The following CEP43 variants were observed in gnomAD, a reference collection of about 807,000 sequenced individuals.
CEP43 encodes the protein centrosomal protein 43, also known as FGFR1 oncogene partner.
In CEP43, 36 loss-of-function variants were observed where a neutral mutation model predicts 52.6. That is an observed-to-expected ratio of 0.68 (90% CI 0.52 to 0.90). The LOEUF is 0.90. Among genes scored for constraint, CEP43 ranks in the 40% least tolerant of loss-of-function variants. CEP43 has a pLI of 0.00. For missense variants in CEP43, 506 were observed against 472.8 expected (o/e 1.07, Z -0.65); for synonymous variants, 192 against 172.4 (o/e 1.11, Z -0.89).
At chr6:167,030,096 T>A (rs1295922458) in intron 10 of CEP43, among the ~76,000 whole-genome samples, 3 of 152,384 alleles carry the variant, frequency 2.0e-5, no homozygotes, top group African/African-American at 7.2e-5. Flanking sequence ...CATCTGGATG[T>A]ACACGTGCAG....
intron 3 of CEP43, 160 bp from the exon 4 acceptor site, chr6:167,003,563 G>T (rs1290926581): frequency 1.8e-6 from 1 of 564,528 alleles, no homozygotes; most frequent in Non-Finnish European, 3.1e-6. Context: ...AGGAGATTGA[G>T]ATTTTCATTA....
In CEP43 at chr6:167,042,904, G is replaced by A. The variant is rs1354437087; in HGVS notation, c.*2926G>A. 6.6e-6 allele frequency: 1 copy of A among 151,380 alleles called. No individual in the cohort carries two copies. Among genetic ancestry groups the A allele is most frequent in the Non-Finnish European group, 1.5e-5 (1 of 68,194 alleles). 9.4% of individuals were successfully genotyped at this position (151,380 alleles called of 1,614,324 possible). A position where few individuals can be genotyped will look rare whatever the true frequency, so the allele number is the denominator to read the frequency against. On this transcript the variant is annotated 3_prime_UTR_variant, in exon 13 of 13. Coordinates refer to ENST00000366847, the MANE Select transcript of CEP43 (RefSeq NM_007045.4). ...CTGCTGTGTACCTGGCACAACATTT[G>A]TCCCCTAGTATGAGCTTGGCATCTT...
intron 2 of CEP43, among the ~76,000 whole-genome samples, chr6:167,002,206 C>A (rs1052281095): frequency 6.6e-6 from 1 of 152,238 alleles, no homozygotes; most frequent in East Asian, 1.9e-4. Flanking sequence ...CCCTCTCCCC[C>A]ACCCCAAACC....
At chr6:167,039,224 G>A (rs776736463) in intron 12 of CEP43, among the ~76,000 whole-genome samples, 10 of 152,064 alleles carry the variant, frequency 6.6e-5, no homozygotes, top group Non-Finnish European at 1.3e-4. Context: ...CTGCCTCCTG[G>A]GTTCAAGCGA....
rs919189379 is a variant in CEP43 at position 167,044,155 on chromosome 6, C to A, written c.*4177C>A. 1 of 152,570 alleles carries A rather than the reference C, an allele frequency of 6.6e-6. No individual in the cohort carries two copies. Among genetic ancestry groups the A allele is most frequent in the Non-Finnish European group, 1.5e-5 (1 of 68,462 alleles). The allele number at this position is 152,570 out of a possible 1,614,324, so 9.5% of individuals were successfully genotyped here. ...CATCTGAGCTGTGAGCCCTACACTTCCATTCTTTATAAATTATCCAGTCCA... is the reference window on the plus strand; with the variant it reads ...CATCTGAGCTGTGAGCCCTACACTTACATTCTTTATAAATTATCCAGTCCA... On this transcript the variant is annotated 3_prime_UTR_variant, in exon 13 of 13. Coordinates refer to ENST00000366847, the MANE Select transcript of CEP43 (RefSeq NM_007045.4).
In CEP43 at chr6:167,052,308, G is replaced by A. The variant is rs963164734; in HGVS notation, c.*12330G>A. On this transcript the variant is annotated 3_prime_UTR_variant, in exon 13 of 13. Coordinates refer to ENST00000366847, the MANE Select transcript of CEP43 (RefSeq NM_007045.4). ...ATTCTACTTATTTATATAATTTTAT[G>A]TTTTTTAAAGAACCTGAGACTGGAA... 6 of 152,082 alleles carry A rather than the reference G, an allele frequency of 3.9e-5. No individual in the cohort carries two copies. Among genetic ancestry groups the A allele is most frequent in the African/African-American group, 1.2e-4 (5 of 41,400 alleles). 9.4% of individuals were successfully genotyped at this position (152,082 alleles called of 1,614,324 possible).
chr6:167,033,753 T>C (rs1754821860), intron 11 of CEP43, 122 bp from the exon 12 acceptor site: 1 of 466,816 alleles, frequency 2.1e-6, no homozygotes, highest in Admixed American at 3.9e-5. Context: ...ATGAAATTAA[T>C]TATAGTTAAT....
At chr6:167,001,009 A>C (rs867958690) in intron 2 of CEP43, among the ~76,000 whole-genome samples, 8 of 152,350 alleles carry the variant, frequency 5.3e-5, no homozygotes, top group Middle Eastern at 3.4e-3. Flanking sequence ...CAGGCCCAGC[A>C]GCTCTCTTCT....
rs1272950950 is a variant in CEP43 at position 167,040,065 on chromosome 6, A to G, written c.*87A>G. ...TTTTCCAGACAATCACTCAGCTGGA[A>G]TGTCTGCTCTCTATTGGTGCCTTGC... On this transcript the variant is annotated 3_prime_UTR_variant, in exon 13 of 13. Coordinates refer to ENST00000366847, the MANE Select transcript of CEP43 (RefSeq NM_007045.4). The G allele has an allele frequency of 2.9e-5, 46 of 1,612,150 alleles. No homozygotes were observed. Among genetic ancestry groups the G allele is most frequent in the Non-Finnish European group, 3.6e-5 (43 of 1,178,832 alleles).
chr6:167,000,884 C>T (rs970111893), intron 2 of CEP43, among the ~76,000 whole-genome samples: 4 of 150,990 alleles, frequency 2.6e-5, no homozygotes, highest in East Asian at 3.9e-4. Context: ...GGTCATTTAA[C>T]CCAGCAAACT....
intron 1 of CEP43, 168 bp from the exon 2 acceptor site, chr6:166,999,891 TG>T: frequency 1.7e-6 from 1 of 585,754 alleles, no homozygotes; most frequent in East Asian, 3.0e-5. Flanking sequence ...AGCCGAAGCC[TG>T]GGGGTCGGAG....
chr6:167,016,952 T>C (rs970767350), intron 7 of CEP43, among the ~76,000 whole-genome samples: 1 of 151,886 alleles, frequency 6.6e-6, no homozygotes, highest in Non-Finnish European at 1.5e-5. Context: ...AAAATGGTTA[T>C]AAAAAATAAT....
At position 167,042,100 on chromosome 6, in the gene CEP43, AACCACCGC is replaced by A; in HGVS notation, c.*2126_*2133del. 1.0e-6 allele frequency: 1 copy of A among 1,003,476 alleles called. No individual in the cohort carries two copies. Among genetic ancestry groups the A allele is most frequent in the East Asian group, 7.2e-5 (1 of 13,856 alleles). The allele number at this position is 1,003,476 out of a possible 1,614,324, so 62.2% of individuals were successfully genotyped here. ...CTAAAGTGCCGGGATTACAGGCGTGAACCACCGCACCTGGCCAGTACTACATCCATTTT... is the reference window on the plus strand; with the variant it reads ...CTAAAGTGCCGGGATTACAGGCGTGAACCTGGCCAGTACTACATCCATTTT... On this transcript the variant is annotated 3_prime_UTR_variant, in exon 13 of 13. Coordinates refer to ENST00000366847, the MANE Select transcript of CEP43 (RefSeq NM_007045.4).
chr6:167,044,393 C>CT lies in CEP43; in HGVS notation c.*4418dup. On this transcript the variant is annotated 3_prime_UTR_variant, in exon 13 of 13. Coordinates refer to ENST00000366847, the MANE Select transcript of CEP43 (RefSeq NM_007045.4). Reference sequence around the variant, plus strand: ...AGCTCAAAGGCAATTTCAAAGAAATCTTTATGTTTAGCAAGAAGACCAAGA... The same window carrying CT: ...AGCTCAAAGGCAATTTCAAAGAAATCTTTTATGTTTAGCAAGAAGACCAAGA... The CT allele has an allele frequency of 1.0e-6, 1 of 985,324 alleles. No individual in the cohort carries two copies. The highest frequency in any genetic ancestry group is 1.2e-6 in the Non-Finnish European group (1 of 829,874). 61.0% of individuals were successfully genotyped at this position (985,324 alleles called of 1,614,324 possible).
Position 167,042,814 on chromosome 6 carries a change from T to TTTTGTGTGTGTGTGTGTGTGTGTG in CEP43, c.*2837_*2838insTTGTGTGTGTGTGTGTGTGTGTGT, listed in dbSNP as rs1491238002. On this transcript the variant is annotated 3_prime_UTR_variant, in exon 13 of 13. Coordinates refer to ENST00000366847, the MANE Select transcript of CEP43 (RefSeq NM_007045.4). ...ATACTCTGAAATGGTCTTGCTTATT[T>TTTTGTGTGTGTGTGTGTGTGTGTG]TGTGTGTGTGTGTGTGTGTGTGTGT... 8.0e-5 allele frequency: 11 copies of TTTTGTGTGTGTGTGTGTGTGTGTG among 137,796 alleles called. No homozygotes were observed. Among genetic ancestry groups the TTTTGTGTGTGTGTGTGTGTGTGTG allele is most frequent in the South Asian group, 2.4e-4 (1 of 4,094 alleles). 8.5% of individuals were successfully genotyped at this position (137,796 alleles called of 1,614,324 possible).
chr6:167,011,047 T>G (rs1455058071), intron 6 of CEP43, among the ~76,000 whole-genome samples, 154 bp downstream of exon 6: 2 of 152,152 alleles, frequency 1.3e-5, no homozygotes, highest in Non-Finnish European at 2.9e-5. Context: ...CCATTAAGTA[T>G]ACATTAAAAA....
At chr6:166,999,859 G>A (rs963096116) in intron 1 of CEP43, 2 of 578,268 alleles carry the variant, frequency 3.5e-6, no homozygotes, top group Non-Finnish European at 6.1e-6. Flanking sequence ...GGCATGATCC[G>A]CGGCGGGAAA....
At position 167,046,124 on chromosome 6, in the gene CEP43, T is replaced by C. The variant is rs1259305031; in HGVS notation, c.*6146T>C. ...TTTAACATACACTATTATGTGTCAA[T>C]ATATTAATTATATATTAATTACATT... is the stretch of plus-strand genomic sequence containing the variant. On this transcript the variant is annotated 3_prime_UTR_variant, in exon 13 of 13. Coordinates refer to ENST00000366847, the MANE Select transcript of CEP43 (RefSeq NM_007045.4). 1 of 152,210 alleles carries C rather than the reference T, an allele frequency of 6.6e-6. No individual in the cohort carries two copies. Among genetic ancestry groups the C allele is most frequent in the East Asian group, 1.9e-4 (1 of 5,200 alleles). The allele number at this position is 152,210 out of a possible 1,614,324, so 9.4% of individuals were successfully genotyped here. A position where few individuals can be genotyped will look rare whatever the true frequency, so the allele number is the denominator to read the frequency against.
intron 7 of CEP43, among the ~76,000 whole-genome samples, chr6:167,019,049 G>A (rs533101809): frequency 6.6e-6 from 1 of 152,328 alleles, no homozygotes; most frequent in Admixed American, 6.5e-5. Flanking sequence ...GTGACGTTGA[G>A]CCACGGCTTC....
Sources: gnomAD v4.1 joint callset for allele counts (sites outside exome capture counted in the v4.1 genomes callset) on GRCh38, gnomAD v4.1.1 for gene constraint, MANE v1.5 for transcripts, NCBI Gene and HGNC (gene_info 2026-07-23, HGNC 2026-07-21) for gene names.